The following SLC2A14 variants were observed in gnomAD, a reference collection of about 807,000 sequenced individuals.
The protein encoded by SLC2A14 is solute carrier family 2 member 14.
Under a neutral mutation model 43.0 loss-of-function variants are expected in SLC2A14, and 13 were observed. The observed-to-expected ratio is 0.30, with a 90% CI of 0.20 to 0.48. SLC2A14 has a LOEUF of 0.48. SLC2A14 is among the 20% of genes least tolerant of loss of function. SLC2A14 has a pLI of 0.99. For synonymous variants in SLC2A14, 190 were observed against 233.8 expected (o/e 0.81, Z 1.71); for missense variants, 428 against 620.4 (o/e 0.69, Z 3.29).
chr12:7,827,177 C>G (rs373166998), intron 7 of SLC2A14, among the ~76,000 whole-genome samples: 1 of 150,976 alleles, frequency 6.6e-6, no homozygotes, highest in South Asian at 2.1e-4. Flanking sequence ...ATGGCGCAAT[C>G]TCCACTCACT....
At chr12:7,825,567 T>C (rs1383367247) in intron 7 of SLC2A14, among the ~76,000 whole-genome samples, 1 of 151,212 alleles carries the variant, frequency 6.6e-6, no homozygotes, top group Non-Finnish European at 1.5e-5. Context: ...ATTGAGACTA[T>C]CTTGGCTAAC....
chr12:7,843,114 G>C (rs1041567696), intron 2 of SLC2A14, among the ~76,000 whole-genome samples: 2 of 151,986 alleles, frequency 1.3e-5, no homozygotes, highest in African/African-American at 2.4e-5. Flanking sequence ...TTTATGCTTT[G>C]AGTTACCCCC....
At chr12:7,877,828 C>T (rs1945489049), upstream of SLC2A14, among the ~76,000 whole-genome samples, 1 of 152,102 alleles carries the variant, frequency 6.6e-6, no homozygotes, top group Non-Finnish European at 1.5e-5. Flanking sequence ...CTACAACCTC[C>T]ACCTCCCGGG....
chr12:7,873,460 G>T, upstream of SLC2A14: 1 of 604,676 alleles, frequency 1.7e-6, no homozygotes, highest in Non-Finnish European at 2.1e-6. Context: ...TGGCCAACAT[G>T]GCGAAACCCA....
At chr12:7,882,083 A>T (rs781466188) in intron 1 of SLC2A14, among the ~76,000 whole-genome samples, 1 of 151,870 alleles carries the variant, frequency 6.6e-6, no homozygotes, top group Non-Finnish European at 1.5e-5. Context: ...CCCTTTCTAC[A>T]CTTGGAGGCT....
chr12:7,875,800 C>A (rs1945454086), upstream of SLC2A14, among the ~76,000 whole-genome samples: 1 of 152,078 alleles, frequency 6.6e-6, no homozygotes, highest in Non-Finnish European at 1.5e-5. Context: ...TGGTGAAAGA[C>A]CCCGTCTCTA....
chr12:7,887,637 T>C (rs1056869226), intron 1 of SLC2A14, among the ~76,000 whole-genome samples: 2 of 152,024 alleles, frequency 1.3e-5, no homozygotes, highest in Admixed American at 6.6e-5. Context: ...AGAATGTATG[T>C]TACCTGTGTT....
At chr12:7,865,222 A>G (rs12319367) in intron 2 of SLC2A14, among the ~76,000 whole-genome samples, 7,174 of 152,162 alleles carry the variant, frequency 0.047, 239 homozygotes, top group Middle Eastern at 0.071. Context: ...CCATACCTAT[A>G]TAAGACAATG....
Position 7,817,924 on chromosome 12 carries a change from G to A in SLC2A14, c.1182C>T (p.Phe394=), listed in dbSNP as rs1360478760. 1.9e-6 allele frequency: 3 copies of A among 1,614,196 alleles called. No homozygotes were observed. The highest frequency in any genetic ancestry group is 1.7e-5 in the Admixed American group (1 of 60,020). Residue 394 remains phenylalanine, a synonymous_variant, in exon 10 of 11, where the codon TTC becomes TTT. Coordinates refer to ENST00000431042, the MANE Select transcript of SLC2A14 (RefSeq NM_001286234.2). ...TCGCAGCTGGGCGGGGGCCCTGGCT[G>A]AAGAGTTCGGCCACAATAAACCAGG... ...PIPWFIVAEL[F]SQGPRPAAMA...
chr12:7,886,622 G>A (rs1945693203), intron 1 of SLC2A14, among the ~76,000 whole-genome samples: 1 of 152,036 alleles, frequency 6.6e-6, no homozygotes, highest in African/African-American at 2.4e-5. Flanking sequence ...AGTTTCAGTA[G>A]TTATGGTGTT....
At chr12:7,823,428 G>T (rs1263728626) in intron 7 of SLC2A14, among the ~76,000 whole-genome samples, 1 of 150,834 alleles carries the variant, frequency 6.6e-6, no homozygotes, top group Non-Finnish European at 1.5e-5. Context: ...AACTATCACA[G>T]CTATGAGAAA....
At chr12:7,816,473 A>T (rs61937217) in intron 10 of SLC2A14, among the ~76,000 whole-genome samples, 3,109 of 150,056 alleles carry the variant, frequency 0.021, 114 homozygotes, top group African/African-American at 0.072. Context: ...TCCTGACCTC[A>T]TGATCCTCCC....
At chr12:7,886,256 G>A (rs1371006479) in intron 1 of SLC2A14, among the ~76,000 whole-genome samples, 1 of 145,080 alleles carries the variant, frequency 6.9e-6, no homozygotes, top group African/African-American at 2.6e-5. Flanking sequence ...TGACCTTCTG[G>A]GCTCAAAGGA....
At chr12:7,841,563 A>G (rs1215454694) in intron 2 of SLC2A14, among the ~76,000 whole-genome samples, 1 of 152,188 alleles carries the variant, frequency 6.6e-6, no homozygotes, top group Non-Finnish European at 1.5e-5. Flanking sequence ...GCCGAGCCAC[A>G]TCTGTCATGT....
At chr12:7,838,686 G>T (rs989901293) in intron 2 of SLC2A14, among the ~76,000 whole-genome samples, 2 of 152,136 alleles carry the variant, frequency 1.3e-5, no homozygotes, top group African/African-American at 4.8e-5. Context: ...AAGACTTTAG[G>T]GCCTACAGGG....
chr12:7,857,930 C>T (rs984575656), intron 2 of SLC2A14, among the ~76,000 whole-genome samples: 1 of 152,060 alleles, frequency 6.6e-6, no homozygotes, highest in African/African-American at 2.4e-5. Flanking sequence ...TTGAGACCAA[C>T]CTGGCCAACA....
At chr12:7,880,428 T>TCA (rs1182535808) in intron 1 of SLC2A14, among the ~76,000 whole-genome samples, 1 of 149,828 alleles carries the variant, frequency 6.7e-6, no homozygotes, top group Non-Finnish European at 1.5e-5. Flanking sequence ...TGAGCCAAGA[T>TCA]CACACCACTG....
At chr12:7,879,499 T>C (rs1397586955) in intron 1 of SLC2A14, among the ~76,000 whole-genome samples, 1 of 151,808 alleles carries the variant, frequency 6.6e-6, no homozygotes, top group Non-Finnish European at 1.5e-5. Flanking sequence ...CTGCCAAACA[T>C]AGGGAAACTA....
intron 2 of SLC2A14, among the ~76,000 whole-genome samples, chr12:7,867,576 G>C (rs978311296): frequency 6.6e-6 from 1 of 151,956 alleles, no homozygotes; most frequent in Non-Finnish European, 1.5e-5. Context: ...GCTGGGCTCA[G>C]TGGCTCACAC....
Sources: allele counts gnomAD v4.1 joint callset (sites outside exome capture counted in the v4.1 genomes callset), GRCh38; gene constraint gnomAD v4.1.1; transcripts MANE v1.5; gene names NCBI Gene and HGNC (gene_info 2026-07-23, HGNC 2026-07-21).